KCNJ6: variants seen among roughly 807,000 people sequenced by gnomAD.
KCNJ6 encodes the protein potassium inwardly rectifying channel subfamily J member 6, also known as G protein-activated inward rectifier potassium channel 2.
KCNJ6 carries 9 observed loss-of-function variants against 34.2 expected under a neutral mutation model. The ratio of observed to expected loss-of-function variants is 0.26; its 90% CI spans 0.16 to 0.46. The LOEUF (loss-of-function observed/expected upper bound fraction) is 0.46, where lower values mean the gene tolerates loss of function less well. Among genes scored for constraint, KCNJ6 ranks in the 20% least tolerant of loss-of-function variants. The pLI is 1.00. For missense variants in KCNJ6, 236 were observed against 531.3 expected, an observed-to-expected ratio of 0.44 and a Z score of 5.46; for synonymous variants, 196 against 207.1, an observed-to-expected ratio of 0.95 and a Z score of 0.46.
chr21:37,830,743 T>C (rs1035314972), intron 2 of KCNJ6, among the ~76,000 whole-genome samples: 8 of 152,290 alleles, frequency 5.3e-5, no homozygotes, highest in Non-Finnish European at 1.2e-4. Context: ...AGATGAATTT[T>C]TAGGTAACAG....
rs374294100 is a variant in KCNJ6 at position 37,904,919 on chromosome 21, C to CT, written c.-28+10964dup. Among the ~76,000 whole-genome samples, 614 of 152,352 alleles carry CT rather than the reference C, an allele frequency of 4.0e-3. 5 individuals are homozygous for CT. The highest frequency in any genetic ancestry group is 0.014 in the African/African-American group (581 of 41,590). ...GCTCTTAAACTCTGCCAGCCAAAAC[C>CT]TTGCACATGAAAGTGACAAGACACC... On this transcript the variant is annotated intron_variant, in intron 1 of 3. Coordinates refer to ENST00000609713, the MANE Select transcript of KCNJ6 (RefSeq NM_002240.5).
At chr21:37,768,660 A>G (rs1387526010) in intron 2 of KCNJ6, among the ~76,000 whole-genome samples, 1 of 152,206 alleles carries the variant, frequency 6.6e-6, no homozygotes, top group African/African-American at 2.4e-5. Context: ...TACTTAAAAC[A>G]TATACACTCT....
At chr21:37,773,623 G>A (rs966078505) in intron 2 of KCNJ6, among the ~76,000 whole-genome samples, 11 of 152,036 alleles carry the variant, frequency 7.2e-5, no homozygotes, top group African/African-American at 2.7e-4. Flanking sequence ...TTCTTAACAT[G>A]GAAACTGAAA....
rs890436286 is a variant in KCNJ6, at chr21:37,623,616, T to TCCTTCCTCCCTC, written c.*1531_*1542dup. ...GTACAAATACCCTTCCTTCCTTCCT[T>TCCTTCCTCCCTC]CCTTCCTCCCTCCCTTCCTCCCTTC... is the stretch of plus-strand genomic sequence containing the variant. On this transcript the variant is annotated 3_prime_UTR_variant, in exon 4 of 4. Coordinates refer to ENST00000609713, the MANE Select transcript of KCNJ6 (RefSeq NM_002240.5). 17 of 152,362 alleles carry TCCTTCCTCCCTC rather than the reference T, an allele frequency of 1.1e-4. No homozygotes were observed. The highest frequency in any genetic ancestry group is 1.9e-4 in the Non-Finnish European group (13 of 68,054). The allele number at this position is 152,362 out of a possible 1,614,324, so 9.4% of individuals were successfully genotyped here.
At chr21:37,745,303 G>T (rs2054962634) in intron 2 of KCNJ6, among the ~76,000 whole-genome samples, 1 of 151,960 alleles carries the variant, frequency 6.6e-6, no homozygotes, top group Non-Finnish European at 1.5e-5. Context: ...TATATTTATT[G>T]CAGAGATGAG....
chr21:37,830,656 G>A (rs1352481218), intron 2 of KCNJ6, among the ~76,000 whole-genome samples: 4 of 152,156 alleles, frequency 2.6e-5, no homozygotes, highest in Non-Finnish European at 5.9e-5. Flanking sequence ...AGAGAGGTGA[G>A]TTTCTTACCA....
At chr21:37,760,045 C>T (rs542348092) in intron 2 of KCNJ6, among the ~76,000 whole-genome samples, 2 of 152,316 alleles carry the variant, frequency 1.3e-5, no homozygotes, top group South Asian at 4.1e-4. Flanking sequence ...ACCAACTCGC[C>T]AGCCACGGCT....
At chr21:37,761,833 T>C (rs1401950220) in intron 2 of KCNJ6, among the ~76,000 whole-genome samples, 1 of 152,132 alleles carries the variant, frequency 6.6e-6, no homozygotes, top group African/African-American at 2.4e-5. Context: ...GTGGTGTCTC[T>C]GTGCGTGTCT....
At chr21:37,705,689 G>T (rs2054716022) in intron 3 of KCNJ6, among the ~76,000 whole-genome samples, 2 of 152,212 alleles carry the variant, frequency 1.3e-5, no homozygotes, top group Non-Finnish European at 2.9e-5. Context: ...CAATCACAGG[G>T]ATAGTCAAGA....
At chr21:37,746,865 T>A (rs569567871) in intron 2 of KCNJ6, among the ~76,000 whole-genome samples, 3 of 152,372 alleles carry the variant, frequency 2.0e-5, no homozygotes, top group African/African-American at 7.2e-5. Flanking sequence ...AGTGGATTTT[T>A]TCTTTTGAGC....
At chr21:37,796,476 C>T (rs930330796) in intron 2 of KCNJ6, among the ~76,000 whole-genome samples, 4 of 152,152 alleles carry the variant, frequency 2.6e-5, no homozygotes. Flanking sequence ...GGACCAGGCC[C>T]CATTTCATTT....
At chr21:37,751,436 G>A (rs769032036) in intron 2 of KCNJ6, among the ~76,000 whole-genome samples, 13 of 152,186 alleles carry the variant, frequency 8.5e-5, no homozygotes, top group Admixed American at 2.6e-4. Flanking sequence ...GAGGTGGGAC[G>A]CTTATTGTTA....
chr21:37,794,963 C>T (rs2055234172), intron 2 of KCNJ6, among the ~76,000 whole-genome samples: 1 of 151,890 alleles, frequency 6.6e-6, no homozygotes, highest in Admixed American at 6.6e-5. Flanking sequence ...GCAATTCCGC[C>T]CATGAATGAG....
At chr21:37,748,435 C>T (rs193186766) in intron 2 of KCNJ6, among the ~76,000 whole-genome samples, 5 of 152,164 alleles carry the variant, frequency 3.3e-5, no homozygotes, top group East Asian at 1.9e-4. Context: ...ATCCATGGTT[C>T]GTGGATGGGA....
At chr21:37,671,387 C>T (rs969405262) in intron 3 of KCNJ6, among the ~76,000 whole-genome samples, 1 of 152,182 alleles carries the variant, frequency 6.6e-6, no homozygotes, top group East Asian at 1.9e-4. Context: ...CCAGGGAGGG[C>T]GTGCCCCTCT....
chr21:37,712,364 G>A (rs2054757419), intron 3 of KCNJ6, among the ~76,000 whole-genome samples: 1 of 152,100 alleles, frequency 6.6e-6, no homozygotes, highest in African/African-American at 2.4e-5. Context: ...CAGAGTCCCT[G>A]TGCTCAGCTG....
intron 3 of KCNJ6, among the ~76,000 whole-genome samples, chr21:37,677,840 C>T (rs1428948030): frequency 6.6e-6 from 1 of 151,192 alleles, no homozygotes; most frequent in Non-Finnish European, 1.5e-5. Flanking sequence ...CATCAGTTCA[C>T]TCATTCACCC....
At chr21:37,790,300 AAAGG>A (rs2123521077) in intron 2 of KCNJ6, among the ~76,000 whole-genome samples, 1 of 152,330 alleles carries the variant, frequency 6.6e-6, no homozygotes, top group African/African-American at 2.4e-5. Context: ...GATGCGGATC[AAAGG>A]AAGATGAAAA....
chr21:37,678,199 G>A (rs1022276726), intron 3 of KCNJ6, among the ~76,000 whole-genome samples: 3 of 152,218 alleles, frequency 2.0e-5, no homozygotes, highest in African/African-American at 7.2e-5. Context: ...AGTGGGGTCA[G>A]TAATTATCTA....
Sources: allele counts gnomAD v4.1 joint callset (sites outside exome capture counted in the v4.1 genomes callset), GRCh38; gene constraint gnomAD v4.1.1; transcripts MANE v1.5; gene names NCBI Gene and HGNC (gene_info 2026-07-23, HGNC 2026-07-21).